The following CADM2 variants were observed in gnomAD, a reference collection of about 807,000 sequenced individuals.
CADM2 encodes the protein immunoglobulin superfamily member 4D.
In CADM2, 12 loss-of-function variants were observed where a neutral mutation model predicts 49.8. That is an observed-to-expected ratio of 0.24 (90% CI 0.15 to 0.39). The LOEUF is 0.39. Among genes scored for constraint, CADM2 ranks in the 10% least tolerant of loss-of-function variants. CADM2 has a pLI of 1.00. For missense variants in CADM2, 378 were observed against 492.3 expected (o/e 0.77, Z 2.20); for synonymous variants, 214 against 175.4 (o/e 1.22, Z -1.74).
rs1244612761 is a variant in CADM2 at position 85,883,323 on chromosome 3, G to T, written c.271G>T (p.Ala91Ser). 3 of 1,613,176 alleles carry T rather than the reference G, an allele frequency of 1.9e-6. No homozygotes were observed. In the African/African-American group the frequency reaches 4.0e-5, roughly 22 times the overall value. Residue 91 changes from alanine (A) to serine (S), a missense_variant, in exon 4 of 10, where the codon GCT becomes TCT. Ala to Ser is a moderately conservative substitution (Grantham distance 99). Transcript: ENST00000383699. ...GGACAATAGGATCGAGCTGGTTCGC[G>T]CTTCCTGGCATGAATTGAGTATTAG... ...LRDNRIELVR[A>S]SWHELSISVS...
At chr3:85,942,038 A>C (rs1362270528) in intron 7 of CADM2, among the ~76,000 whole-genome samples, 4 of 152,124 alleles carry the variant, frequency 2.6e-5, no homozygotes, top group Non-Finnish European at 5.9e-5. Flanking sequence ...CAGCTGATAA[A>C]TGGTAGAATT....
chr3:85,445,561 T>C (rs2037408862), intron 1 of CADM2, among the ~76,000 whole-genome samples: 1 of 152,132 alleles, frequency 6.6e-6, no homozygotes, highest in Non-Finnish European at 1.5e-5. Flanking sequence ...ATATGGTTTC[T>C]TGCCTTCAGG....
chr3:85,182,064 A>T (rs563807230), intron 1 of CADM2, among the ~76,000 whole-genome samples: 1 of 151,774 alleles, frequency 6.6e-6, no homozygotes, highest in African/African-American at 2.4e-5. Flanking sequence ...TAGGACATTA[A>T]AGTTACATTG....
intron 1 of CADM2, among the ~76,000 whole-genome samples, chr3:85,103,058 G>C (rs2038070644): frequency 6.6e-6 from 1 of 152,120 alleles, no homozygotes; most frequent in African/African-American, 2.4e-5. Context: ...AATGAGAAAG[G>C]CTACCTTGGA....
At position 85,503,071 on chromosome 3, in the gene CADM2, C is replaced by A. The variant is rs976643754; in HGVS notation, c.62-223451C>A. Among the ~76,000 whole-genome samples, 4 of 116,790 alleles carry A rather than the reference C, an allele frequency of 3.4e-5. No homozygotes were observed. In the East Asian group the frequency reaches 1.3e-3, roughly 38 times the overall value. The allele number at this position is 116,790 out of a possible 152,430, so 76.6% of individuals were successfully genotyped here. A position where few individuals can be genotyped will look rare whatever the true frequency, so the allele number is the denominator to read the frequency against. On this transcript the variant is annotated intron_variant, in intron 1 of 9. Coordinates refer to ENST00000383699, the MANE Select transcript of CADM2 (RefSeq NM_001167675.2). ...CCCTAAGTTTTAGTTGAAATGGTAG[C>A]CACACATACTTACATATACTCCTAA... is the stretch of plus-strand genomic sequence containing the variant.
chr3:85,029,548 T>C (rs2034888540), intron 1 of CADM2, among the ~76,000 whole-genome samples: 1 of 152,172 alleles, frequency 6.6e-6, no homozygotes. Flanking sequence ...ATTTGAAAGG[T>C]ATATATATTG....
chr3:85,710,894 A>G (rs1005970941), intron 1 of CADM2, among the ~76,000 whole-genome samples: 1 of 152,106 alleles, frequency 6.6e-6, no homozygotes, highest in Non-Finnish European at 1.5e-5. Context: ...ATAACCTTTG[A>G]TGGTACCTTC....
chr3:85,683,675 C>T (rs1380438443), intron 1 of CADM2, among the ~76,000 whole-genome samples: 1 of 152,012 alleles, frequency 6.6e-6, no homozygotes, highest in Non-Finnish European at 1.5e-5. Context: ...TCAAATTACC[C>T]AGGATTATAA....
At chr3:85,820,579 A>T (rs2073492204) in intron 3 of CADM2, among the ~76,000 whole-genome samples, 1 of 152,136 alleles carries the variant, frequency 6.6e-6, no homozygotes, top group African/African-American at 2.4e-5. Flanking sequence ...TTTGACTTGA[A>T]CACTTGAAAT....
intron 7 of CADM2, among the ~76,000 whole-genome samples, chr3:85,945,014 A>C (rs887538131): frequency 1.1e-4 from 17 of 152,256 alleles, no homozygotes; most frequent in African/African-American, 3.6e-4. Flanking sequence ...AGATCAACAA[A>C]ATAAATAGAC....
chr3:85,944,206 C>T (rs1391444760), intron 7 of CADM2, among the ~76,000 whole-genome samples: 4 of 152,028 alleles, frequency 2.6e-5, no homozygotes, highest in South Asian at 4.1e-4. Flanking sequence ...GGGATCAATT[C>T]GACAACAAGA....
At chr3:85,922,519 C>T (rs1016983706) in intron 6 of CADM2, among the ~76,000 whole-genome samples, 1 of 151,912 alleles carries the variant, frequency 6.6e-6, no homozygotes, top group African/African-American at 2.4e-5. Context: ...TTTTTATTAT[C>T]TATTTCTCTG....
At chr3:85,123,093 C>A (rs1444975330) in intron 1 of CADM2, among the ~76,000 whole-genome samples, 1 of 152,060 alleles carries the variant, frequency 6.6e-6, no homozygotes, top group Non-Finnish European at 1.5e-5. Context: ...CTAAGATTCC[C>A]ATGCTTTTTT....
At chr3:85,889,064 C>A (rs918731552) in intron 5 of CADM2, among the ~76,000 whole-genome samples, 4 of 152,120 alleles carry the variant, frequency 2.6e-5, no homozygotes, top group African/African-American at 9.7e-5. Context: ...TCACAGTATT[C>A]TATGGTGCAT....
chr3:85,452,670 A>G (rs1379841527), intron 1 of CADM2, among the ~76,000 whole-genome samples: 1 of 152,274 alleles, frequency 6.6e-6, no homozygotes, highest in Non-Finnish European at 1.5e-5. Flanking sequence ...CTCCATAGAA[A>G]TTATCTCCTA....
chr3:85,636,733 C>T (rs567866632), intron 1 of CADM2, among the ~76,000 whole-genome samples: 1 of 152,206 alleles, frequency 6.6e-6, no homozygotes, highest in East Asian at 1.9e-4. Context: ...TTGTACTGTA[C>T]CTTTTCTGTT....
chr3:85,030,186 G>C (rs534454333), intron 1 of CADM2, among the ~76,000 whole-genome samples: 1 of 151,946 alleles, frequency 6.6e-6, no homozygotes, highest in East Asian at 1.9e-4. Flanking sequence ...CTCTAGTTTC[G>C]CCTCTTGAAA....
intron 2 of CADM2, among the ~76,000 whole-genome samples, chr3:85,765,033 G>A (rs186184971): frequency 2.2e-4 from 34 of 152,062 alleles, no homozygotes; most frequent in African/African-American, 8.2e-4. Context: ...TAGGCTTTGG[G>A]AAGAATGTCA....
intron 1 of CADM2, among the ~76,000 whole-genome samples, chr3:85,722,924 A>T (rs2067560404): frequency 6.6e-6 from 1 of 152,158 alleles, no homozygotes; most frequent in Non-Finnish European, 1.5e-5. Context: ...CTAATTTAAA[A>T]CTGATTAAAC....
Sources: allele counts gnomAD v4.1 joint callset (sites outside exome capture counted in the v4.1 genomes callset), GRCh38; gene constraint gnomAD v4.1.1; transcripts MANE v1.5; gene names NCBI Gene and HGNC (gene_info 2026-07-23, HGNC 2026-07-21).